DLG2: variants seen among roughly 807,000 people sequenced by gnomAD.
DLG2 encodes the protein disks large homolog 2.
In DLG2, 45 loss-of-function variants were observed where a neutral mutation model predicts 132.5. The observed-to-expected ratio is 0.34, with a 90% CI of 0.27 to 0.44. DLG2 has a LOEUF of 0.44. Among genes scored for constraint, DLG2 ranks in the 20% least tolerant of loss-of-function variants. The pLI is 1.00. For missense variants in DLG2, 1,045 were observed against 1,196.9 expected, an observed-to-expected ratio of 0.87 and a Z score of 1.87; for synonymous variants, 424 against 419.6, an observed-to-expected ratio of 1.01 and a Z score of -0.13.
intron 3 of DLG2, among the ~76,000 whole-genome samples, chr11:85,486,228 A>T (rs532367085): frequency 6.6e-6 from 1 of 152,152 alleles, no homozygotes; most frequent in East Asian, 1.9e-4. Flanking sequence ...TGACCCCTAG[A>T]AAAGTTCCCA....
intron 16 of DLG2, among the ~76,000 whole-genome samples, chr11:83,872,970 A>G (rs969755714): frequency 6.6e-6 from 1 of 152,344 alleles, no homozygotes. Flanking sequence ...TATTGATTCT[A>G]TTTAAAGATT....
intron 19 of DLG2, among the ~76,000 whole-genome samples, chr11:83,568,310 A>T (rs1179512380): frequency 6.6e-6 from 1 of 152,092 alleles, no homozygotes; most frequent in East Asian, 1.9e-4. Context: ...AAGGTAATGG[A>T]TGGAAAGTGT....
intron 3 of DLG2, among the ~76,000 whole-genome samples, chr11:85,417,376 G>A (rs1300460489): frequency 6.6e-6 from 1 of 152,060 alleles, no homozygotes. Flanking sequence ...TTGCACCGAT[G>A]TTCATCAGGG....
chr11:84,258,781 G>A (rs917105454), intron 7 of DLG2, among the ~76,000 whole-genome samples: 5 of 152,098 alleles, frequency 3.3e-5, no homozygotes, highest in African/African-American at 1.2e-4. Flanking sequence ...GACTGAAAAT[G>A]CAATTATTTT....
chr11:84,265,432 T>C (rs1290539570), intron 7 of DLG2, among the ~76,000 whole-genome samples: 2 of 152,044 alleles, frequency 1.3e-5, no homozygotes, highest in African/African-American at 2.4e-5. Flanking sequence ...AGATAGCAAA[T>C]GGTGGAAGAA....
rs563654973 is a variant in DLG2 at position 84,203,285 on chromosome 11, A to T, written c.574-39774T>A. On this transcript the variant is annotated intron_variant, in intron 8 of 27. Transcript: ENST00000376104. ...ACACCATGGAATACTATGCAGCCAT[A>T]AAAAGGAATGCGATCCGCCAGGTGT... Among the ~76,000 whole-genome samples, 15 of 152,240 alleles carry T rather than the reference A, an allele frequency of 9.9e-5. No individual in the cohort carries two copies. In the East Asian group the frequency reaches 2.9e-3, roughly 29 times the overall value.
intron 5 of DLG2, among the ~76,000 whole-genome samples, chr11:85,120,688 A>T (rs924008648): frequency 2.0e-5 from 3 of 152,118 alleles, no homozygotes; most frequent in Admixed American, 1.3e-4. Flanking sequence ...AAGCTAAAAA[A>T]ATTAATACTT....
chr11:84,487,238 G>T (rs1453526959), intron 7 of DLG2, among the ~76,000 whole-genome samples: 1 of 151,996 alleles, frequency 6.6e-6, no homozygotes, highest in East Asian at 1.9e-4. Context: ...TATGAGTACC[G>T]ATGACAAACT....
chr11:84,026,937 AATT>A (rs2095550351), intron 11 of DLG2, among the ~76,000 whole-genome samples: 1 of 152,050 alleles, frequency 6.6e-6, no homozygotes, highest in Admixed American at 6.6e-5. Context: ...ATATCTGTAG[AATT>A]ATTATTTCTA....
At chr11:84,892,703 T>C (rs1186537422) in intron 6 of DLG2, among the ~76,000 whole-genome samples, 1 of 152,082 alleles carries the variant, frequency 6.6e-6, no homozygotes, top group South Asian at 2.1e-4. Flanking sequence ...TTAAAAACCA[T>C]AGGGTTAAAC....
intron 7 of DLG2, among the ~76,000 whole-genome samples, chr11:84,324,935 T>A (rs1035362599): frequency 6.6e-6 from 1 of 152,152 alleles, no homozygotes; most frequent in Non-Finnish European, 1.5e-5. Flanking sequence ...ATCTTCAGAA[T>A]TTTCTACCTA....
chr11:83,753,599 T>C lies in DLG2; in HGVS notation c.1825+33091A>G, dbSNP rs973184599. ...AAAATTAAAGTTTATTTAACTCCTGTGCCAGTCATCAATTTAAAATATATA... is the reference window on the plus strand; with the variant it reads ...AAAATTAAAGTTTATTTAACTCCTGCGCCAGTCATCAATTTAAAATATATA... On this transcript the variant is annotated intron_variant, in intron 18 of 27. Coordinates refer to ENST00000376104, the MANE Select transcript of DLG2 (RefSeq NM_001142699.3). Among the ~76,000 whole-genome samples, 24 of 148,216 alleles carry C rather than the reference T, an allele frequency of 1.6e-4. 1 individual carries two copies. Among genetic ancestry groups the C allele is most frequent in the African/African-American group, 4.9e-4 (20 of 40,594 alleles).
chr11:84,191,989 A>G (rs1328832525), intron 8 of DLG2, among the ~76,000 whole-genome samples: 4 of 139,516 alleles, frequency 2.9e-5, no homozygotes, highest in African/African-American at 1.0e-4. Flanking sequence ...CCCATTTGTT[A>G]TAAAAGTGGG....
chr11:84,160,198 A>G (rs2095515746), intron 9 of DLG2, among the ~76,000 whole-genome samples: 1 of 152,168 alleles, frequency 6.6e-6, no homozygotes, highest in South Asian at 2.1e-4. Flanking sequence ...GGGAATGAAG[A>G]AAAGATGGAG....
intron 3 of DLG2, among the ~76,000 whole-genome samples, chr11:85,297,409 T>C (rs1434633499): frequency 6.6e-6 from 1 of 152,164 alleles, no homozygotes; most frequent in Non-Finnish European, 1.5e-5. Context: ...TGCCTAATGT[T>C]GTATGATAAT....
In DLG2 at chr11:83,472,784, A is replaced by G; in HGVS notation, c.2294-7T>C. On this transcript the variant is annotated splice_polypyrimidine_tract_variant and splice_region_variant and intron_variant, in intron 22 of 27. Coordinates refer to ENST00000376104, the MANE Select transcript of DLG2 (RefSeq NM_001142699.3). Reference sequence around the variant, plus strand: ...ATGAGGTCTTCTTGTCCTCCTGAGAAGAGAAGGAAAGAAAACCACAGTGAA... The same window carrying G: ...ATGAGGTCTTCTTGTCCTCCTGAGAGGAGAAGGAAAGAAAACCACAGTGAA... 6.2e-7 allele frequency: 1 copy of G among 1,611,394 alleles called. No individual in the cohort carries two copies. Among genetic ancestry groups the G allele is most frequent in the Non-Finnish European group, 8.5e-7 (1 of 1,178,372 alleles).
chr11:85,482,828 T>C (rs1215748193), intron 3 of DLG2, among the ~76,000 whole-genome samples: 1 of 151,898 alleles, frequency 6.6e-6, no homozygotes, highest in African/African-American at 2.4e-5. Flanking sequence ...AGACCCATGG[T>C]CCACCCCCAG....
intron 11 of DLG2, among the ~76,000 whole-genome samples, chr11:84,047,756 T>C (rs1011163622): frequency 6.6e-5 from 10 of 151,586 alleles, no homozygotes; most frequent in African/African-American, 2.2e-4. Flanking sequence ...ATAAGAAAAC[T>C]GTGAAAAGAA....
At chr11:85,078,231 A>G (rs775641297) in intron 6 of DLG2, among the ~76,000 whole-genome samples, 1 of 149,994 alleles carries the variant, frequency 6.7e-6, no homozygotes, top group Non-Finnish European at 1.5e-5. Context: ...TGCAATGGAG[A>G]AAAATAAAGC....
Sources: allele counts gnomAD v4.1 joint callset (sites outside exome capture counted in the v4.1 genomes callset), GRCh38; gene constraint gnomAD v4.1.1; transcripts MANE v1.5; gene names NCBI Gene and HGNC (gene_info 2026-07-23, HGNC 2026-07-21).